VPS8: variants seen among roughly 807,000 people sequenced by gnomAD.
VPS8 encodes vacuolar protein sorting-associated protein 8 homolog.
A neutral mutation model predicts 216.4 loss-of-function variants in VPS8; 129 were observed. The ratio of observed to expected loss-of-function variants is 0.60; its 90% CI spans 0.52 to 0.69. The LOEUF (loss-of-function observed/expected upper bound fraction) is 0.69, where lower values mean the gene tolerates loss of function less well. VPS8 is among the 30% of genes least tolerant of loss of function. The probability of loss-of-function intolerance (pLI) is 0.00; values close to 1 mark genes in which losing one functional copy is unlikely to be tolerated. For missense variants in VPS8, 1,531 were observed against 1,683.5 expected (o/e 0.91, Z 1.59); for synonymous variants, 571 against 565.4 (o/e 1.01, Z -0.14).
At chr3:184,993,596 A>G (rs1267559441) in intron 42 of VPS8, among the ~76,000 whole-genome samples, 1 of 152,176 alleles carries the variant, frequency 6.6e-6, no homozygotes, top group Non-Finnish European at 1.5e-5. Flanking sequence ...GCTAAATGGG[A>G]TCACAGGAGG....
intron 15 of VPS8, among the ~76,000 whole-genome samples, chr3:184,861,122 A>T (rs1323865915): frequency 1.3e-5 from 2 of 152,088 alleles, no homozygotes; most frequent in African/African-American, 2.4e-5. Context: ...GCACCTGGCC[A>T]ACTTCTTGGT....
intron 20 of VPS8, 47 bp downstream of exon 20, chr3:184,869,575 T>A: frequency 6.3e-7 from 1 of 1,594,556 alleles, no homozygotes; most frequent in East Asian, 2.2e-5. Context: ...GCAGATTTGC[T>A]TTTGTCATTT....
At chr3:184,895,539 G>A (rs551350485) in intron 23 of VPS8, among the ~76,000 whole-genome samples, 5 of 131,360 alleles carry the variant, frequency 3.8e-5, no homozygotes, top group Admixed American at 1.9e-4. Flanking sequence ...TTGAGGTGCA[G>A]TATTTATTCT....
chr3:185,012,826 T>TAA (rs1755213125), intron 45 of VPS8, among the ~76,000 whole-genome samples: 1 of 152,044 alleles, frequency 6.6e-6, no homozygotes, highest in Admixed American at 6.5e-5. Flanking sequence ...CACACAGAAA[T>TAA]ATAGCGTGTG....
At position 184,955,884 on chromosome 3, in the gene VPS8, G is replaced by A. The variant is rs558317151; in HGVS notation, c.3036-1490G>A. ...CATACTTAAACATGATTTTCAAGTTGTGGGTGAGAACTAAGGTGGTGGTAT... is the reference window on the plus strand; with the variant it reads ...CATACTTAAACATGATTTTCAAGTTATGGGTGAGAACTAAGGTGGTGGTAT... On this transcript the variant is annotated intron_variant, in intron 36 of 47. Transcript: ENST00000625842. 9.9e-5 allele frequency among the ~76,000 whole-genome samples: 15 copies of A among 151,846 alleles called. No individual in the cohort carries two copies. The East Asian group carries it at 2.7e-3, about 27-fold the overall frequency.
intron 46 of VPS8, among the ~76,000 whole-genome samples, chr3:185,041,348 T>C (rs991867969): frequency 5.3e-5 from 8 of 152,120 alleles, no homozygotes; most frequent in African/African-American, 1.7e-4. Flanking sequence ...CACTTCAGCT[T>C]GAGTAGTTGT....
chr3:184,822,969 T>C (rs1178738785), intron 1 of VPS8, among the ~76,000 whole-genome samples: 2 of 152,190 alleles, frequency 1.3e-5, no homozygotes, highest in Non-Finnish European at 2.9e-5. Flanking sequence ...AAGAAATTAG[T>C]CTGTATTTGG....
At chr3:184,849,848 G>A in intron 9 of VPS8, 88 bp from the exon 10 acceptor site, 2 of 962,234 alleles carry the variant, frequency 2.1e-6, no homozygotes, top group Non-Finnish European at 3.3e-6. Context: ...TATAGTCAAG[G>A]AATAGATTAT....
At chr3:184,950,822 G>T (rs1259871675) in intron 36 of VPS8, among the ~76,000 whole-genome samples, 1 of 152,084 alleles carries the variant, frequency 6.6e-6, no homozygotes, top group Non-Finnish European at 1.5e-5. Context: ...CTGATGTTTG[G>T]TTTTCTGTTC....
intron 31 of VPS8, 76 bp from the exon 32 acceptor site, chr3:184,928,375 G>T: frequency 7.6e-7 from 1 of 1,317,794 alleles, no homozygotes; most frequent in Non-Finnish European, 1.0e-6. Context: ...AAATGTTATA[G>T]TCTGCATGGC....
intron 40 of VPS8, among the ~76,000 whole-genome samples, chr3:184,980,159 C>T (rs991215812): frequency 6.6e-6 from 1 of 152,010 alleles, no homozygotes; most frequent in Admixed American, 6.5e-5. Context: ...CAGAAAAGTC[C>T]ACTGTTTGCC....
chr3:184,902,428 A>T (rs1006338931), intron 25 of VPS8, among the ~76,000 whole-genome samples: 1 of 151,534 alleles, frequency 6.6e-6, no homozygotes, highest in East Asian at 1.9e-4. Flanking sequence ...GTGAGCCAAG[A>T]TCGTGCCACT....
chr3:185,045,967 C>T (rs1217853005), intron 46 of VPS8, among the ~76,000 whole-genome samples: 1 of 152,168 alleles, frequency 6.6e-6, no homozygotes, highest in Non-Finnish European at 1.5e-5. Flanking sequence ...CACAGGATTT[C>T]CTTTAATGCT....
intron 23 of VPS8, among the ~76,000 whole-genome samples, chr3:184,897,177 GC>G (rs1733660529): frequency 6.6e-6 from 1 of 152,120 alleles, no homozygotes; most frequent in African/African-American, 2.4e-5. Context: ...AGGGATGAGG[GC>G]CAAGTGCAGA....
intron 28 of VPS8, among the ~76,000 whole-genome samples, chr3:184,919,576 G>A (rs1252098755): frequency 6.6e-6 from 1 of 152,122 alleles, no homozygotes; most frequent in Non-Finnish European, 1.5e-5. Flanking sequence ...TAAAATAAAA[G>A]TTGCTATAGT....
intron 1 of VPS8, among the ~76,000 whole-genome samples, chr3:184,818,521 CAAAAA>C (rs11310520): frequency 1.1e-5 from 1 of 89,280 alleles, no homozygotes; most frequent in East Asian, 2.6e-4. Context: ...GAACCTGTCT[CAAAAA>C]AAAAAAAAAA....
chr3:184,957,598 G>A, intron 37 of VPS8, 77 bp downstream of exon 37: 26 of 1,421,644 alleles, frequency 1.8e-5, no homozygotes, highest in South Asian at 6.0e-5. Flanking sequence ...CAAAGACAAG[G>A]GGAAAAAATA....
chr3:184,824,416 T>G lies in VPS8; in HGVS notation c.-88-129T>G, dbSNP rs1193166722. On this transcript the variant is annotated intron_variant, in intron 1 of 47. Coordinates refer to ENST00000625842, the MANE Select transcript of VPS8 (RefSeq NM_001009921.3). ...CATACCCTGTACCCCACTGTTAATT[T>G]CAGTTTGCCTGCAATCGGATGTTTA... 1.1e-5 allele frequency: 6 copies of G among 533,456 alleles called. No homozygotes were observed. The Admixed American group carries it at 1.9e-4, about 17-fold the overall frequency. 33.0% of individuals were successfully genotyped at this position (533,456 alleles called of 1,614,324 possible).
At chr3:184,907,467 A>G (rs1735703725) in intron 25 of VPS8, among the ~76,000 whole-genome samples, 1 of 152,188 alleles carries the variant, frequency 6.6e-6, no homozygotes, top group Non-Finnish European at 1.5e-5. Flanking sequence ...GAATGGGATC[A>G]GGTTTGCCTG....
Sources: gnomAD v4.1 joint callset for allele counts (sites outside exome capture counted in the v4.1 genomes callset) on GRCh38, gnomAD v4.1.1 for gene constraint, MANE v1.5 for transcripts, NCBI Gene and HGNC (gene_info 2026-07-23, HGNC 2026-07-21) for gene names.